SBNO2: variants seen among roughly 807,000 people sequenced by gnomAD.
SBNO2 encodes the protein protein strawberry notch homolog 2.
SBNO2 carries 89 observed loss-of-function variants against 146.3 expected under a neutral mutation model. The ratio of observed to expected loss-of-function variants is 0.61; its 90% CI spans 0.51 to 0.73. The LOEUF is 0.73. Ranked by LOEUF, SBNO2 falls within the 30% of genes least tolerant of loss-of-function variation. The pLI is 0.00. For synonymous variants in SBNO2, 1,147 were observed against 892.6 expected (o/e 1.29, Z -5.08); for missense variants, 2,092 against 2,003.7 (o/e 1.04, Z -0.84).
chr19:1,160,355 C>G (rs540384686), intron 1 of SBNO2, among the ~76,000 whole-genome samples: 1 of 152,362 alleles, frequency 6.6e-6, no homozygotes, highest in South Asian at 2.1e-4. Flanking sequence ...CACTCCCACA[C>G]CCCTGCCCAG....
chr19:1,118,375 G>GC (rs1237721593), intron 14 of SBNO2, among the ~76,000 whole-genome samples: 2 of 152,112 alleles, frequency 1.3e-5, no homozygotes, highest in African/African-American at 4.8e-5. Context: ...AACATACAGG[G>GC]CTGTTGGGCG....
chr19:1,114,479 T>A, intron 17 of SBNO2, 57 bp from the exon 18 acceptor site: 2 of 1,400,866 alleles, frequency 1.4e-6, no homozygotes, highest in East Asian at 2.6e-5. Flanking sequence ...GAGGAGCAGG[T>A]GGAGGAGACG....
intron 1 of SBNO2, among the ~76,000 whole-genome samples, chr19:1,166,483 G>A (rs1057473342): frequency 2.6e-5 from 4 of 152,226 alleles, no homozygotes; most frequent in Middle Eastern, 3.4e-3. Context: ...GAGCCCGCTC[G>A]GGTCTTGTGT....
At position 1,107,860 on chromosome 19, in the gene SBNO2, CT is replaced by C. The variant is rs1353022950; in HGVS notation, c.*359del. On this transcript the variant is annotated 3_prime_UTR_variant, in exon 32 of 32. Transcript: ENST00000361757. ...CACGGAGCCCCCGAGACGCGGGGCC[CT>C]GAGCACCTGGGGTTTCCTGAGTTTC... The C allele has an allele frequency of 6.1e-6, 1 of 162,846 alleles. No homozygotes were observed. The highest frequency in any genetic ancestry group is 1.3e-5 in the Non-Finnish European group (1 of 74,906). 10.1% of individuals were successfully genotyped at this position (162,846 alleles called of 1,614,324 possible).
intron 3 of SBNO2, among the ~76,000 whole-genome samples, chr19:1,147,914 A>G (rs4072412): frequency 0.11 from 16,068 of 152,126 alleles, 1,275 homozygotes; most frequent in East Asian, 0.28. Context: ...GAGGATGGCA[A>G]AGGACACAGC....
In SBNO2 at chr19:1,113,707, AGGGAGGAGGT is replaced by A; in HGVS notation, c.2078-13_2078-4del. On this transcript the variant is annotated splice_region_variant and splice_polypyrimidine_tract_variant and intron_variant, in intron 18 of 31. Coordinates refer to ENST00000361757, the MANE Select transcript of SBNO2 (RefSeq NM_014963.3). ...TCTCTGCAGGAGGCACAGGGGTCCTAGGGAGGAGGTGGAGGGTCAGGGCAGGACATGTTGG... is the reference window on the plus strand; with the variant it reads ...TCTCTGCAGGAGGCACAGGGGTCCTAGGAGGGTCAGGGCAGGACATGTTGG... 1 of 1,539,582 alleles carries A rather than the reference AGGGAGGAGGT, an allele frequency of 6.5e-7. No homozygotes were observed.
At chr19:1,155,089 G>A (rs953212590) in intron 1 of SBNO2, 3 of 152,214 alleles carry the variant, frequency 2.0e-5, no homozygotes, top group African/African-American at 4.8e-5. Flanking sequence ...GCCCTACCTG[G>A]CGAGTGCAGG....
In SBNO2 at chr19:1,108,302, C is replaced by T. The variant is rs1332824221; in HGVS notation, c.4019G>A (p.Gly1340Glu). The T allele has an allele frequency of 4.0e-6, 6 of 1,481,808 alleles. No homozygotes were observed. Among genetic ancestry groups the T allele is most frequent in the Non-Finnish European group, 4.5e-6 (5 of 1,112,132 alleles). 91.8% of individuals were successfully genotyped at this position (1,481,808 alleles called of 1,614,324 possible). A position where few individuals can be genotyped will look rare whatever the true frequency, so the allele number is the denominator to read the frequency against. The change falls in exon 32 of 32, where the codon GGG (glycine) becomes GAG (glutamate). Residue 1340 changes from glycine to glutamate, a missense_variant. By Grantham distance (98) the Gly-to-Glu change is moderately conservative. Coordinates refer to ENST00000361757, the MANE Select transcript of SBNO2 (RefSeq NM_014963.3). ...EGALGEGAGA[G>E]GAAGGGPERQ... ...CTCGGGACCACCGCCCGCCGCGCCC[C>T]CCGCCCCCGCGCCCTCCCCCAGCGC...
intron 4 of SBNO2, among the ~76,000 whole-genome samples, chr19:1,146,970 C>T (rs188985591): frequency 2.0e-5 from 3 of 152,290 alleles, no homozygotes; most frequent in African/African-American, 7.2e-5. Flanking sequence ...TCTGGACCCG[C>T]CTAGAGGGAG....
rs57733719 is a variant in SBNO2, at chr19:1,130,887, C to T, written c.280-3122G>A. Among the ~76,000 whole-genome samples, 53 of 152,322 alleles carry T rather than the reference C, an allele frequency of 3.5e-4. 1 individual carries two copies. The East Asian group carries it at 9.4e-3, about 27-fold the overall frequency. ...AGCCTCGAGGCCCCGCCCTGCTCCCCGTCCGGTCCTTCCCAGCACAGGACA... is the reference window on the plus strand; with the variant it reads ...AGCCTCGAGGCCCCGCCCTGCTCCCTGTCCGGTCCTTCCCAGCACAGGACA... On this transcript the variant is annotated intron_variant, in intron 4 of 31. Coordinates refer to ENST00000361757, the MANE Select transcript of SBNO2 (RefSeq NM_014963.3).
In SBNO2 at chr19:1,111,634, CG is replaced by C; in HGVS notation, c.2701-21del. The C allele has an allele frequency of 1.3e-6, 2 of 1,545,704 alleles. No individual in the cohort carries two copies. Among genetic ancestry groups the C allele is most frequent in the Non-Finnish European group, 1.8e-6 (2 of 1,138,368 alleles). Reference sequence around the variant, plus strand: ...GCCATACTAGGGGGAGAAGGTGACTCGGGGAGGAGGCCCAGGGAGGAGGCTG... The same window carrying C: ...GCCATACTAGGGGGAGAAGGTGACTCGGGAGGAGGCCCAGGGAGGAGGCTG... On this transcript the variant is annotated intron_variant, in intron 23 of 31. Transcript: ENST00000361757.
chr19:1,122,957 G>A lies in SBNO2; in HGVS notation c.717C>T (p.Ala239=). 1 of 1,567,772 alleles carries A rather than the reference G, an allele frequency of 6.4e-7. No homozygotes were observed. The highest frequency in any genetic ancestry group is 2.4e-5 in the East Asian group (1 of 42,176). ...ACAGGGCCCCGCTGTCCGAGGGCAG[G>A]GCCAGGGTGTAGGTGATGTCTGGGG... is the stretch of plus-strand genomic sequence containing the variant. ...VPPPDITYTL[A]LPSDSGALSA... The change falls in exon 8 of 32, where the codon GCC becomes GCT. Residue 239 remains alanine (A), a synonymous_variant. Transcript: ENST00000361757.
At chr19:1,131,183 A>G (rs1490079651) in intron 4 of SBNO2, among the ~76,000 whole-genome samples, 1 of 152,080 alleles carries the variant, frequency 6.6e-6, no homozygotes, top group African/African-American at 2.4e-5. Context: ...AGGCTCCTGC[A>G]TCCTTCACCA....
At chr19:1,174,143 C>T (rs1568662062) in intron 1 of SBNO2, 29 bp downstream of exon 1, 1 of 150,808 alleles carries the variant, frequency 6.6e-6, no homozygotes, top group Non-Finnish European at 1.5e-5. Flanking sequence ...GCGGTGGAGC[C>T]GGGGCGGGGG....
chr19:1,127,026 G>A (rs2079973393), intron 5 of SBNO2, among the ~76,000 whole-genome samples: 1 of 152,146 alleles, frequency 6.6e-6, no homozygotes. Flanking sequence ...CACGGACAAT[G>A]TCCAGCTCCC....
chr19:1,146,298 G>A (rs2145294865), intron 4 of SBNO2, among the ~76,000 whole-genome samples: 1 of 152,244 alleles, frequency 6.6e-6, no homozygotes, highest in African/African-American at 2.4e-5. Context: ...GCCCCGCTCT[G>A]CTACGGCCCT....
Position 1,108,298 on chromosome 19 carries a change from G to T in SBNO2, c.4023C>A (p.Gly1341=). The T allele has an allele frequency of 1.3e-6, 2 of 1,482,370 alleles. No individual in the cohort carries two copies. The highest frequency in any genetic ancestry group is 1.8e-6 in the Non-Finnish European group (2 of 1,112,326). 91.8% of individuals were successfully genotyped at this position (1,482,370 alleles called of 1,614,324 possible). A position where few individuals can be genotyped will look rare whatever the true frequency, so the allele number is the denominator to read the frequency against. ...GALGEGAGAG[G]AAGGGPERQS... ...GCCGCTCGGGACCACCGCCCGCCGC[G>T]CCCCCCGCCCCCGCGCCCTCCCCCA... Residue 1341 remains glycine, a synonymous_variant, in exon 32 of 32, where the codon GGC becomes GGA. Transcript: ENST00000361757.
At position 1,140,278 on chromosome 19, in the gene SBNO2, C is replaced by T. The variant is rs576345347; in HGVS notation, c.279+7031G>A. Among the ~76,000 whole-genome samples, 31 of 149,972 alleles carry T rather than the reference C, an allele frequency of 2.1e-4. No individual in the cohort carries two copies. The highest frequency in any genetic ancestry group is 6.4e-4 in the African/African-American group (26 of 40,642). ...TCACGCCACTGCACTCCAGCCTGGGCGACAGAGCGAGATTTCATCTCAAAA... is the reference window on the plus strand; with the variant it reads ...TCACGCCACTGCACTCCAGCCTGGGTGACAGAGCGAGATTTCATCTCAAAA... On this transcript the variant is annotated intron_variant, in intron 4 of 31. Coordinates refer to ENST00000361757, the MANE Select transcript of SBNO2 (RefSeq NM_014963.3). This position sits in a 1 kb window ranked among gnomAD's most constrained non-coding sequence, Gnocchi z 4.4.
chr19:1,113,343 G>A (rs1449718520), intron 19 of SBNO2, among the ~76,000 whole-genome samples, 192 bp downstream of exon 19: 2 of 152,156 alleles, frequency 1.3e-5, no homozygotes, highest in African/African-American at 4.8e-5. Context: ...CCGTCCACAG[G>A]AGGTCGTGGC....
Sources: gnomAD v4.1 joint callset for allele counts (sites outside exome capture counted in the v4.1 genomes callset) on GRCh38, gnomAD v4.1.1 for gene constraint, Gnocchi (gnomAD v3.1) non-coding constraint, MANE v1.5 for transcripts, NCBI Gene and HGNC (gene_info 2026-07-23, HGNC 2026-07-21) for gene names.